The following SRGAP3 variants were observed in gnomAD, a reference collection of about 807,000 sequenced individuals.
The protein encoded by SRGAP3 is SLIT-ROBO Rho GTPase activating protein 3.
Under a neutral mutation model 121.1 loss-of-function variants are expected in SRGAP3, and 39 were observed. That is an observed-to-expected ratio of 0.32 (90% CI 0.25 to 0.42). The LOEUF is 0.42. Ranked by LOEUF, SRGAP3 falls within the 10% of genes least tolerant of loss-of-function variation. The pLI, the probability that SRGAP3 is intolerant of heterozygous loss-of-function variation, is 1.00. For missense variants in SRGAP3, 1,213 were observed against 1,470.6 expected, an observed-to-expected ratio of 0.82 and a Z score of 2.86; for synonymous variants, 601 against 570.0, an observed-to-expected ratio of 1.05 and a Z score of -0.77.
At chr3:9,342,919 C>T (rs1419643517) in intron 1 of SRGAP3, among the ~76,000 whole-genome samples, 1 of 152,246 alleles carries the variant, frequency 6.6e-6, no homozygotes, top group Non-Finnish European at 1.5e-5. Flanking sequence ...AAAGCAACCT[C>T]GAACTTGTCC....
intron 3 of SRGAP3, among the ~76,000 whole-genome samples, chr3:9,274,258 C>T (rs1270243946): frequency 6.6e-6 from 1 of 152,228 alleles, no homozygotes; most frequent in African/African-American, 2.4e-5. Context: ...AAATTAAACT[C>T]TACAACACAT....
chr3:8,985,260 AGGG>A lies in SRGAP3; in HGVS notation c.*256_*258del. Reference sequence around the variant, plus strand: ...CCATGTGGTATTTTGCCTCCATGTTAGGGAATGCTGTGGTTGGGGCTGCTGGAG... The same window carrying A: ...CCATGTGGTATTTTGCCTCCATGTTAAATGCTGTGGTTGGGGCTGCTGGAG... On this transcript the variant is annotated 3_prime_UTR_variant, in exon 22 of 22. Coordinates refer to ENST00000383836, the MANE Select transcript of SRGAP3 (RefSeq NM_014850.4). The surrounding 1 kb of genome is among the most constrained non-coding windows in gnomAD (Gnocchi z 5.1). 1.2e-5 allele frequency: 8 copies of A among 650,526 alleles called. No homozygotes were observed. Among genetic ancestry groups the A allele is most frequent in the Admixed American group, 3.4e-5 (1 of 29,000 alleles). 40.3% of individuals were successfully genotyped at this position (650,526 alleles called of 1,614,324 possible). A position where few individuals can be genotyped will look rare whatever the true frequency, so the allele number is the denominator to read the frequency against.
chr3:9,307,812 T>C (rs955736120), intron 3 of SRGAP3, among the ~76,000 whole-genome samples: 1 of 152,224 alleles, frequency 6.6e-6, no homozygotes, highest in African/African-American at 2.4e-5. Flanking sequence ...CATGTATCCA[T>C]AAATGTGGGA....
At position 9,351,235 on chromosome 3, in the gene SRGAP3, T is replaced by C. The variant is rs1354896007; in HGVS notation, n.214+11605A>G. 2.6e-5 allele frequency among the ~76,000 whole-genome samples: 4 copies of C among 152,178 alleles called. No individual in the cohort carries two copies. In the South Asian group the frequency reaches 8.3e-4, roughly 32 times the overall value. ...TTCTAGAAAGCAATAGTGGTACTTA[T>C]AACCATGAGAAGAATTGTTGAAAAA... On this transcript the variant is annotated intron_variant and non_coding_transcript_variant, in intron 1 of 3. Coordinates refer to the SRGAP3 transcript ENST00000490889.
intron 1 of SRGAP3, among the ~76,000 whole-genome samples, chr3:9,335,283 T>C (rs1955673231): frequency 6.6e-6 from 1 of 152,226 alleles, no homozygotes; most frequent in African/African-American, 2.4e-5. Flanking sequence ...GGCTCCTTGT[T>C]GCCAGCCTAT....
intron 1 of SRGAP3, among the ~76,000 whole-genome samples, chr3:9,191,048 GAA>G (rs759801518): frequency 6.6e-6 from 1 of 151,026 alleles, no homozygotes; most frequent in African/African-American, 2.4e-5. Context: ...TCTTCCTACA[GAA>G]AAAAAAAGAA....
intron 1 of SRGAP3, among the ~76,000 whole-genome samples, chr3:9,233,953 A>T (rs1006245435): frequency 2.6e-5 from 4 of 152,224 alleles, no homozygotes; most frequent in Non-Finnish European, 4.4e-5. Flanking sequence ...CACAATTCCC[A>T]GTAACATAAT....
At chr3:9,120,634 T>A (rs1461500087) in intron 2 of SRGAP3, among the ~76,000 whole-genome samples, 4 of 152,212 alleles carry the variant, frequency 2.6e-5, no homozygotes, top group Admixed American at 2.0e-4. Context: ...GCAGCTCAGC[T>A]TTTCTGTTGC....
At chr3:9,294,967 C>T (rs1037662613) in intron 3 of SRGAP3, among the ~76,000 whole-genome samples, 5 of 152,098 alleles carry the variant, frequency 3.3e-5, no homozygotes, top group African/African-American at 1.2e-4. Flanking sequence ...GCTAGCATTG[C>T]TTTGAATAGT....
rs150549412 is a variant in SRGAP3, at chr3:9,082,190, C to T, written c.424-2103G>A. ...TGTGAAATGCCTGCTCCACCCTCACCTTCTACCATGATTGGAAGCTTCCTG... is the reference window on the plus strand; with the variant it reads ...TGTGAAATGCCTGCTCCACCCTCACTTTCTACCATGATTGGAAGCTTCCTG... On this transcript the variant is annotated intron_variant, in intron 3 of 21. Coordinates refer to ENST00000383836, the MANE Select transcript of SRGAP3 (RefSeq NM_014850.4). Among the ~76,000 whole-genome samples, 1,090 of 152,310 alleles carry T rather than the reference C, an allele frequency of 7.2e-3. 9 individuals carry two copies. Among genetic ancestry groups the T allele is most frequent in the Middle Eastern group, 0.01 (3 of 294 alleles).
intron 2 of SRGAP3, among the ~76,000 whole-genome samples, chr3:9,328,266 A>G (rs1208110905): frequency 2.6e-5 from 4 of 152,100 alleles, no homozygotes; most frequent in African/African-American, 4.8e-5. Context: ...AACATTACAC[A>G]CAACACATAT....
In SRGAP3 at chr3:9,013,875, T is replaced by C. The variant is rs559855779; in HGVS notation, c.1814-33A>G. 6.2e-6 allele frequency: 10 copies of C among 1,601,096 alleles called. No homozygotes were observed. The South Asian group carries it at 1.1e-4, about 18-fold the overall frequency. On this transcript the variant is annotated intron_variant, in intron 15 of 21. Coordinates refer to ENST00000383836, the MANE Select transcript of SRGAP3 (RefSeq NM_014850.4). ...ATAAAGGGGCCTTTCAGCGTGCCTT[T>C]CATCCTCAGAGAGCAAAGCAACAAA...
At chr3:9,195,781 C>T (rs1003324373) in intron 1 of SRGAP3, among the ~76,000 whole-genome samples, 57 of 151,908 alleles carry the variant, frequency 3.8e-4, no homozygotes, top group African/African-American at 1.2e-3. Flanking sequence ...CACAGCAAGA[C>T]GCCATCTCTA....
At chr3:9,011,664 A>C (rs551019977) in intron 17 of SRGAP3, among the ~76,000 whole-genome samples, 2 of 151,882 alleles carry the variant, frequency 1.3e-5, no homozygotes, top group East Asian at 3.9e-4. Context: ...TTCCTGTTCC[A>C]TCAGAGCTCC....
chr3:9,205,358 G>A (rs1010170809), intron 1 of SRGAP3, among the ~76,000 whole-genome samples: 2 of 152,282 alleles, frequency 1.3e-5, no homozygotes, highest in Non-Finnish European at 2.9e-5. Flanking sequence ...AATCCATCGT[G>A]GATTTTGCCC....
At position 9,056,220 on chromosome 3, in the gene SRGAP3, G is replaced by A. The variant is rs1253442969; in HGVS notation, c.1125+13C>T. The A allele has an allele frequency of 1.2e-6, 2 of 1,613,642 alleles. No homozygotes were observed. The highest frequency in any genetic ancestry group is 1.7e-6 in the Non-Finnish European group (2 of 1,179,734). On this transcript the variant is annotated intron_variant, in intron 8 of 21. Coordinates refer to ENST00000383836, the MANE Select transcript of SRGAP3 (RefSeq NM_014850.4). ...CAAAGAAAATCCCTTATAGGGCAGAGGGGCTCACTCACCTCCTCATTCTCT... is the reference window on the plus strand; with the variant it reads ...CAAAGAAAATCCCTTATAGGGCAGAAGGGCTCACTCACCTCCTCATTCTCT...
At chr3:9,151,411 C>T (rs115218331) in intron 1 of SRGAP3, among the ~76,000 whole-genome samples, 1,569 of 152,208 alleles carry the variant, frequency 0.01, 23 homozygotes, top group African/African-American at 0.035. Flanking sequence ...CCAAGAAGGT[C>T]CCGAGATGCC....
rs115707009 is a variant in SRGAP3 at position 9,062,045 on chromosome 3, G to A, written c.673-1686C>T. 2.4e-3 allele frequency among the ~76,000 whole-genome samples: 360 copies of A among 151,730 alleles called. 2 individuals carry two copies. Among genetic ancestry groups the A allele is most frequent in the African/African-American group, 8.3e-3 (344 of 41,306 alleles). ...TTCAGAGATCTCTAACTTTTCCCCA[G>A]GGTCCTGGCAGTTACATCCTACGCC... On this transcript the variant is annotated intron_variant, in intron 5 of 21. Coordinates refer to ENST00000383836, the MANE Select transcript of SRGAP3 (RefSeq NM_014850.4).
At chr3:9,241,256 A>G (rs2668359) in intron 1 of SRGAP3, among the ~76,000 whole-genome samples, 1,596 of 152,226 alleles carry the variant, frequency 0.01, 15 homozygotes, top group Non-Finnish European at 0.018. Flanking sequence ...AAAATGAATT[A>G]CCTCCCACTG....
Sources: gnomAD v4.1 joint callset for allele counts (sites outside exome capture counted in the v4.1 genomes callset) on GRCh38, gnomAD v4.1.1 for gene constraint, Gnocchi (gnomAD v3.1) non-coding constraint, MANE v1.5 for transcripts, NCBI Gene and HGNC (gene_info 2026-07-23, HGNC 2026-07-21) for gene names.